RLIM: variants seen among roughly 807,000 people sequenced by gnomAD.
The protein encoded by RLIM is ring finger protein, LIM domain interacting, also known as E3 ubiquitin-protein ligase RLIM.
A neutral mutation model predicts 34.0 loss-of-function variants in RLIM; 2 were observed. That is an observed-to-expected ratio of 0.06 (90% CI 0.02 to 0.19). RLIM has a LOEUF of 0.19. RLIM is among the 10% of genes least tolerant of loss of function. The pLI is 1.00. For synonymous variants in RLIM, 169 were observed against 164.0 expected (o/e 1.03, Z -0.23); for missense variants, 286 against 479.7 (o/e 0.60, Z 3.77).
At chrX:74,613,121 G>C (rs905040018) in intron 1 of RLIM, among the ~76,000 whole-genome samples, 3 of 110,888 alleles carry the variant, frequency 2.7e-5, no homozygotes, top group Non-Finnish European at 3.8e-5. Context: ...AAAGTCATGG[G>C]GGGGGAGGGG....
rs1048041710 is a variant in RLIM at position 74,585,615 on chromosome X, C to G, written c.*5825G>C. On this transcript the variant is annotated 3_prime_UTR_variant, in exon 4 of 4. Transcript: ENST00000332687. ...TCAAACCAGCTTTAATATGATTGAC[C>G]TTTCAAGGTCTTGTTTTGCTTTAAA... 1.2e-4 allele frequency: 13 copies of G among 112,015 alleles called. No homozygotes were observed. The highest frequency in any genetic ancestry group is 4.2e-4 in the African/African-American group (13 of 30,845). 9.2% of individuals were successfully genotyped at this position (112,015 alleles called of 1,213,427 possible).
chrX:74,613,431 C>T (rs2079720335), intron 1 of RLIM, among the ~76,000 whole-genome samples: 1 of 110,411 alleles, frequency 9.1e-6, no homozygotes, highest in African/African-American at 3.3e-5. Flanking sequence ...GACTGCTAGG[C>T]CTCAGATTCC....
rs1377836426 is a variant in RLIM, at chrX:74,589,928, C to A, written c.*1512G>T. 2 of 112,188 alleles carry A rather than the reference C, an allele frequency of 1.8e-5. No individual in the cohort carries two copies. The highest frequency in any genetic ancestry group is 3.8e-5 in the Non-Finnish European group (2 of 53,236). 9.2% of individuals were successfully genotyped at this position (112,188 alleles called of 1,213,427 possible). A position where few individuals can be genotyped will look rare whatever the true frequency, so the allele number is the denominator to read the frequency against. On this transcript the variant is annotated 3_prime_UTR_variant, in exon 4 of 4. Transcript: ENST00000332687. ...TCCATAGATAGCGAGTCAGCAGTCT[C>A]ATTTTCATATATGGGCAGCACAATT...
At chrX:74,597,937 CAATA>C (rs769381789) in intron 1 of RLIM, among the ~76,000 whole-genome samples, 7 of 112,148 alleles carry the variant, frequency 6.2e-5, no homozygotes, top group South Asian at 3.7e-4. Context: ...TATTATCAAA[CAATA>C]AATAGCTTGG....
chrX:74,600,615 C>T (rs2079657344), intron 1 of RLIM, among the ~76,000 whole-genome samples: 1 of 111,173 alleles, frequency 9.0e-6, no homozygotes. Flanking sequence ...CCAAAGAAGG[C>T]AAAGATATCT....
chrX:74,599,557 C>G (rs988595181), intron 1 of RLIM, among the ~76,000 whole-genome samples: 1 of 111,154 alleles, frequency 9.0e-6, no homozygotes, highest in Non-Finnish European at 1.9e-5. Context: ...GGGTGGGGCC[C>G]TCATGAATGA....
chrX:74,594,891 T>A, intron 2 of RLIM, among the ~76,000 whole-genome samples: 1 of 81,091 alleles, frequency 1.2e-5, no homozygotes, highest in East Asian at 5.3e-4. Flanking sequence ...AGTGCAAGAC[T>A]CTGCTTAAAA....
chrX:74,613,549 A>C (rs757229219), intron 1 of RLIM, among the ~76,000 whole-genome samples: 2 of 110,015 alleles, frequency 1.8e-5, no homozygotes, highest in East Asian at 5.7e-4. Context: ...CCGAGTATTC[A>C]GGAAGCAGAA....
chrX:74,604,432 T>C (rs1001948607), intron 1 of RLIM, among the ~76,000 whole-genome samples: 21 of 111,514 alleles, frequency 1.9e-4, no homozygotes, highest in African/African-American at 6.9e-4. Context: ...AGCTTTAAAG[T>C]ATTTCTTTGT....
chrX:74,601,293 G>A (rs749260002), intron 1 of RLIM, among the ~76,000 whole-genome samples: 47 of 111,830 alleles, frequency 4.2e-4, no homozygotes, highest in Non-Finnish European at 7.1e-4. Flanking sequence ...CCAAGAATGC[G>A]TAATTTCTAA....
At chrX:74,605,558 G>A (rs1320367510) in intron 1 of RLIM, among the ~76,000 whole-genome samples, 2 of 111,727 alleles carry the variant, frequency 1.8e-5, no homozygotes, top group Non-Finnish European at 3.8e-5. Context: ...ATACACCGCT[G>A]GGATCTTTCA....
rs577440835 is a variant in RLIM, at chrX:74,599,410, C to T, written c.-23-3410G>A. Among the ~76,000 whole-genome samples the T allele has an allele frequency of 8.9e-5, 10 of 111,733 alleles. No homozygotes were observed. In the South Asian group the frequency reaches 1.1e-3, roughly 12 times the overall value. ...TCTTTACCTTACAACCCCAGATTCC[C>T]CTTATGTTCCCCACGAACACAACTA... On this transcript the variant is annotated intron_variant, in intron 1 of 3. Coordinates refer to ENST00000332687, the MANE Select transcript of RLIM (RefSeq NM_016120.4).
rs186559850 is a variant in RLIM, at chrX:74,602,647, G to C, written c.-23-6647C>G. On this transcript the variant is annotated intron_variant, in intron 1 of 3. Coordinates refer to ENST00000332687, the MANE Select transcript of RLIM (RefSeq NM_016120.4). ...AGCTACTCGGGAGGTTGAGGCAGGA[G>C]AATGGCATGAACCTGGGAGGCAGAG... is the stretch of plus-strand genomic sequence containing the variant. Among the ~76,000 whole-genome samples, 263 of 111,630 alleles carry C rather than the reference G, an allele frequency of 2.4e-3. 3 individuals are homozygous for C. Among genetic ancestry groups the C allele is most frequent in the Admixed American group, 0.018 (190 of 10,464 alleles).
chrX:74,599,325 A>G (rs1049069915), intron 1 of RLIM, among the ~76,000 whole-genome samples: 1 of 111,990 alleles, frequency 8.9e-6, no homozygotes, highest in Non-Finnish European at 1.9e-5. Context: ...AATAAAAAAC[A>G]ATGGTAGTCA....
rs2079622990 is a variant in RLIM, at chrX:74,592,863, T to G, written c.452A>C (p.Asn151Thr). Residue 151 changes from asparagine (N) to threonine (T), a missense_variant, in exon 4 of 4, where the codon AAT becomes ACT. Asn to Thr is a moderately conservative substitution (Grantham distance 65, BLOSUM62 0). Around this residue, in one of 6 missense-constraint regions of RLIM, gnomAD observed 121 missense variants for 182.4 expected, o/e 0.66. Coordinates refer to ENST00000332687, the MANE Select transcript of RLIM (RefSeq NM_016120.4). The stretch of plus-strand genomic sequence containing the variant: ...AGATGGCTCATTTTCATTCTCTGAA[T>G]TTTGGCTCCCATTATTACGGTTAAC... ...INVNRNNGSQ[N>T]SENENEPSAR... 1.7e-6 allele frequency: 2 copies of G among 1,210,398 alleles called. No individual in the cohort carries two copies. The highest frequency in any genetic ancestry group is 3.5e-5 in the African/African-American group (2 of 57,382).
At chrX:74,594,659 G>T (rs1022256331) in intron 2 of RLIM, among the ~76,000 whole-genome samples, 3 of 111,094 alleles carry the variant, frequency 2.7e-5, no homozygotes, top group African/African-American at 9.8e-5. Context: ...AGCACTTTGG[G>T]AGGCCGAGGC....
At chrX:74,595,263 A>G (rs1213798077) in intron 2 of RLIM, among the ~76,000 whole-genome samples, 1 of 112,011 alleles carries the variant, frequency 8.9e-6, no homozygotes, top group Non-Finnish European at 1.9e-5. Flanking sequence ...CTTACCTTTT[A>G]AAATCTAAGC....
intron 1 of RLIM, among the ~76,000 whole-genome samples, chrX:74,610,615 G>A (rs1447092176): frequency 9.0e-6 from 1 of 110,992 alleles, no homozygotes; most frequent in African/African-American, 3.3e-5. Context: ...CAATTGGCCA[G>A]TCGCGGTGGC....
intron 1 of RLIM, among the ~76,000 whole-genome samples, chrX:74,610,701 C>T (rs770998427): frequency 9.2e-6 from 1 of 109,029 alleles, no homozygotes; most frequent in South Asian, 4.0e-4. Context: ...ACCAGCCTGG[C>T]CAATATGGTG....
Sources: gnomAD v4.1 joint callset for allele counts (sites outside exome capture counted in the v4.1 genomes callset) on GRCh38, gnomAD v4.1.1 for gene constraint, gnomAD v4.1.1 regional missense constraint, MANE v1.5 for transcripts, NCBI Gene and HGNC (gene_info 2026-07-23, HGNC 2026-07-21) for gene names.